EIF3E: variants seen among roughly 807,000 people sequenced by gnomAD.
The protein encoded by EIF3E is eIF-3 p48.
In EIF3E, 25 loss-of-function variants were observed where a neutral mutation model predicts 59.3. The ratio of observed to expected loss-of-function variants is 0.42; its 90% CI spans 0.31 to 0.59. The LOEUF (loss-of-function observed/expected upper bound fraction) is 0.59, where lower values mean the gene tolerates loss of function less well. EIF3E is among the 20% of genes least tolerant of loss of function. EIF3E has a pLI of 0.15. For synonymous variants in EIF3E, 176 were observed against 170.2 expected (o/e 1.03, Z -0.26); for missense variants, 317 against 534.3 (o/e 0.59, Z 4.01).
chr8:108,218,908 C>T (rs1422608357), intron 7 of EIF3E, among the ~76,000 whole-genome samples: 2 of 151,624 alleles, frequency 1.3e-5, no homozygotes, highest in Non-Finnish European at 1.5e-5. Flanking sequence ...CTCAGCCTCC[C>T]GAGTAGTTGG....
At chr8:108,216,867 TA>T (rs1374552417) in intron 8 of EIF3E, among the ~76,000 whole-genome samples, 2 of 152,176 alleles carry the variant, frequency 1.3e-5, no homozygotes, top group Admixed American at 1.3e-4. Flanking sequence ...AATACACTCT[TA>T]AATAAATATT....
chr8:108,226,554 A>G (rs993943213), intron 7 of EIF3E, among the ~76,000 whole-genome samples: 2 of 152,210 alleles, frequency 1.3e-5, no homozygotes, highest in African/African-American at 2.4e-5. Flanking sequence ...TTTAAGAAGC[A>G]CTGGCTGGTA....
At chr8:108,217,940 A>G (rs531488263) in intron 7 of EIF3E, among the ~76,000 whole-genome samples, 13 of 152,340 alleles carry the variant, frequency 8.5e-5, no homozygotes, top group South Asian at 2.1e-4. Context: ...ATTACAAGAC[A>G]TTGGTTAAAG....
rs140947900 is a variant in EIF3E at position 108,237,862 on chromosome 8, T to C, written c.324-1659A>G. Among the ~76,000 whole-genome samples the C allele has an allele frequency of 1.8e-3, 277 of 152,324 alleles. 1 individual carries two copies. Among genetic ancestry groups the C allele is most frequent in the Middle Eastern group, 6.8e-3 (2 of 294 alleles). On this transcript the variant is annotated intron_variant, in intron 3 of 12. Transcript: ENST00000220849. Reference sequence around the variant, plus strand: ...TTCCGGGAAAGTGTAAGTACGATACTATATATTCAATGAAATTTAAAAAGG... The same window carrying C: ...TTCCGGGAAAGTGTAAGTACGATACCATATATTCAATGAAATTTAAAAAGG...
intron 1 of EIF3E, among the ~76,000 whole-genome samples, chr8:108,248,139 G>A (rs1815983906): frequency 6.6e-6 from 1 of 152,022 alleles, no homozygotes; most frequent in Admixed American, 6.5e-5. Flanking sequence ...GGAAATTAAA[G>A]CGCTAGATAC....
At chr8:108,206,240 G>A (rs182959330) in intron 10 of EIF3E, among the ~76,000 whole-genome samples, 129 of 151,932 alleles carry the variant, frequency 8.5e-4, no homozygotes, top group Non-Finnish European at 1.4e-3. Flanking sequence ...CTTAAACATC[G>A]CTTGATCTTG....
chr8:108,203,676 A>C (rs1815039036), intron 10 of EIF3E, among the ~76,000 whole-genome samples, 173 bp from the exon 11 acceptor site: 1 of 152,026 alleles, frequency 6.6e-6, no homozygotes, highest in Admixed American at 6.6e-5. Flanking sequence ...GTGCCTATTG[A>C]CTTGTACTAT....
chr8:108,217,901 T>A (rs1275180862), intron 7 of EIF3E, among the ~76,000 whole-genome samples: 1 of 152,128 alleles, frequency 6.6e-6, no homozygotes, highest in Non-Finnish European at 1.5e-5. Context: ...GATGAAAGAC[T>A]GGAAGCAACG....
chr8:108,203,398 C>T lies in EIF3E; in HGVS notation c.1164+3G>A. 6.2e-7 allele frequency: 1 copy of T among 1,609,558 alleles called. No homozygotes were observed. The highest frequency in any genetic ancestry group is 2.2e-5 in the East Asian group (1 of 44,776). On this transcript the variant is annotated splice_donor_region_variant and intron_variant, in intron 11 of 12. Transcript: ENST00000220849. ...TATGTAGCATAGCTAACATAATACTCACTAATTTAGAATCAATCTTGGCAT... is the reference window on the plus strand; with the variant it reads ...TATGTAGCATAGCTAACATAATACTTACTAATTTAGAATCAATCTTGGCAT...
intron 3 of EIF3E, among the ~76,000 whole-genome samples, chr8:108,239,351 T>C (rs1223998159): frequency 6.6e-6 from 1 of 152,074 alleles, no homozygotes; most frequent in African/African-American, 2.4e-5. Context: ...CCACCACACC[T>C]GGCTAACTTT....
At chr8:108,226,864 T>C (rs1815525218) in intron 7 of EIF3E, among the ~76,000 whole-genome samples, 2 of 151,982 alleles carry the variant, frequency 1.3e-5, no homozygotes, top group Non-Finnish European at 2.9e-5. Context: ...ACACAGGGTA[T>C]TTCAGATTTT....
Position 108,248,599 on chromosome 8 carries a change from A to T in EIF3E, c.90+14T>A, listed in dbSNP as rs752500844. ...CCGCCCCCACGCCTTCCTTGCGCCC[A>T]AAGACCCCCTCACCTCCTTTACAGA... On this transcript the variant is annotated intron_variant, in intron 1 of 12. Transcript: ENST00000220849. The T allele has an allele frequency of 2.5e-6, 4 of 1,613,532 alleles. No individual in the cohort carries two copies. The highest frequency in any genetic ancestry group is 3.4e-6 in the Non-Finnish European group (4 of 1,179,692).
At chr8:108,203,212 TGCAC>T in intron 11 of EIF3E, 95 bp from the exon 12 acceptor site, 4 of 1,471,838 alleles carry the variant, frequency 2.7e-6, no homozygotes, top group South Asian at 1.3e-5. Flanking sequence ...CATATTTTAA[TGCAC>T]TGTATAGAGA....
intron 12 of EIF3E, 122 bp from the exon 13 acceptor site, chr8:108,202,045 G>C (rs1815004478): frequency 2.4e-6 from 2 of 816,834 alleles, no homozygotes; most frequent in Non-Finnish European, 3.5e-6. Flanking sequence ...ACCATTCTAA[G>C]ATCTTAACTC....
intron 1 of EIF3E, 124 bp downstream of exon 1, chr8:108,248,489 G>C: frequency 1.1e-6 from 1 of 875,180 alleles, no homozygotes; most frequent in Non-Finnish European, 1.8e-6. Flanking sequence ...CTTAGTGTCC[G>C]TCCAGGAACC....
chr8:108,239,884 G>C, intron 3 of EIF3E, 74 bp downstream of exon 3: 1 of 1,199,818 alleles, frequency 8.3e-7, no homozygotes, highest in South Asian at 1.2e-5. Context: ...TGGGATACTG[G>C]ATAAAGTTTG....
chr8:108,204,216 T>C (rs900482648), intron 10 of EIF3E, among the ~76,000 whole-genome samples: 1 of 151,958 alleles, frequency 6.6e-6, no homozygotes, highest in African/African-American at 2.4e-5. Flanking sequence ...AAAGGTTTCT[T>C]TGGATAAAGA....
intron 7 of EIF3E, among the ~76,000 whole-genome samples, chr8:108,224,412 A>C (rs1815480946): frequency 6.6e-6 from 1 of 151,412 alleles, no homozygotes. Flanking sequence ...AATCACACAC[A>C]ATCTCAACAG....
chr8:108,231,484 T>G (rs1815619231), intron 5 of EIF3E, among the ~76,000 whole-genome samples: 1 of 152,126 alleles, frequency 6.6e-6, no homozygotes, highest in Admixed American at 6.6e-5. Context: ...AAAATATTTT[T>G]AAATGAAGTG....
Sources: allele counts gnomAD v4.1 joint callset (sites outside exome capture counted in the v4.1 genomes callset), GRCh38; gene constraint gnomAD v4.1.1; transcripts MANE v1.5; gene names NCBI Gene and HGNC (gene_info 2026-07-23, HGNC 2026-07-21).